The following TUSC3 variants were observed in gnomAD, a reference collection of about 807,000 sequenced individuals.
TUSC3 encodes dolichyl-diphosphooligosaccharide--protein glycosyltransferase subunit TUSC3.
TUSC3 carries 45 observed loss-of-function variants against 44.8 expected under a neutral mutation model. The ratio of observed to expected loss-of-function variants is 1.00; its 90% CI spans 0.79 to 1.29. The LOEUF (loss-of-function observed/expected upper bound fraction) is 1.29, where lower values mean the gene tolerates loss of function less well. TUSC3 is among the 50% of genes most tolerant of loss of function. The pLI is 0.00. For missense variants in TUSC3, 519 were observed against 437.9 expected (o/e 1.19, Z -1.65); for synonymous variants, 212 against 152.9 (o/e 1.39, Z -2.85).
chr8:15,675,000 C>G lies in TUSC3; in HGVS notation c.798+1164C>G, dbSNP rs184183648. Among the ~76,000 whole-genome samples the G allele has an allele frequency of 3.0e-4, 46 of 152,108 alleles. No individual in the cohort carries two copies. The East Asian group carries it at 7.9e-3, about 26-fold the overall frequency. On this transcript the variant is annotated intron_variant, in intron 6 of 10. Transcript: ENST00000503731. ...TTTCCTCTCTTCCTCCTCCCTGGTC[C>G]CTATACTCTGTCTCCCTCTCCTGTT...
chr8:15,586,300 G>C (rs887044694), intron 1 of TUSC3, among the ~76,000 whole-genome samples: 2 of 152,164 alleles, frequency 1.3e-5, no homozygotes, highest in Admixed American at 6.5e-5. Context: ...TAAGTCATTA[G>C]TGGGGAAAAA....
the TUSC3 span, among the ~76,000 whole-genome samples, chr8:15,785,070 A>G: frequency 6.6e-6 from 1 of 152,156 alleles, no homozygotes; most frequent in East Asian, 1.9e-4. Flanking sequence ...AAAAGAAGAA[A>G]AAAGGATAAT....
chr8:15,772,806 C>G, the TUSC3 span, among the ~76,000 whole-genome samples: 1 of 152,058 alleles, frequency 6.6e-6, no homozygotes, highest in Non-Finnish European at 1.5e-5. Flanking sequence ...ACAGCATGAC[C>G]AAGTGGGAAT....
intron 7 of TUSC3, among the ~76,000 whole-genome samples, chr8:15,737,215 G>C (rs574345565): frequency 6.7e-6 from 1 of 149,274 alleles, no homozygotes; most frequent in African/African-American, 2.4e-5. Context: ...GAAAATTTTA[G>C]ATTTAGAATT....
chr8:15,452,444 C>A (rs1442056348), intron 1 of TUSC3, among the ~76,000 whole-genome samples: 1 of 152,008 alleles, frequency 6.6e-6, no homozygotes, highest in Admixed American at 6.6e-5. Context: ...CTTTTTTCTT[C>A]CAGAATAACA....
intron 1 of TUSC3, among the ~76,000 whole-genome samples, chr8:15,615,838 G>T (rs1804964226): frequency 6.6e-6 from 1 of 152,084 alleles, no homozygotes; most frequent in Non-Finnish European, 1.5e-5. Context: ...GTACTGAAAT[G>T]AAAAAATGAA....
intron 1 of TUSC3, among the ~76,000 whole-genome samples, chr8:15,419,155 G>A (rs181969341): frequency 1.1e-3 from 166 of 152,170 alleles, no homozygotes; most frequent in African/African-American, 3.7e-3. Flanking sequence ...TCATCTCTGC[G>A]AATAAAGAAC....
intron 5 of TUSC3, among the ~76,000 whole-genome samples, chr8:15,665,142 T>C (rs1563161576): frequency 1.3e-5 from 2 of 151,612 alleles, no homozygotes; most frequent in African/African-American, 4.8e-5. Context: ...TTTGCCAAAA[T>C]ATTGTCATCT....
Position 15,520,459 on chromosome 8 carries a change from C to T in TUSC3, n.189+36976C>T, listed in dbSNP as rs573025604. Reference sequence around the variant, plus strand: ...TAGTCCAGGGCTTAACAGGATTCTACAAATTGTTGGTCATGGTTAGCTTCT... The same window carrying T: ...TAGTCCAGGGCTTAACAGGATTCTATAAATTGTTGGTCATGGTTAGCTTCT... On this transcript the variant is annotated intron_variant and non_coding_transcript_variant, in intron 2 of 5. Coordinates refer to the TUSC3 transcript ENST00000503191. Among the ~76,000 whole-genome samples the T allele has an allele frequency of 6.7e-4, 102 of 152,278 alleles. 1 individual carries two copies. In the South Asian group the frequency reaches 6.8e-3, roughly 10 times the overall value.
chr8:15,507,027 C>A (rs1335901347), intron 2 of TUSC3, among the ~76,000 whole-genome samples: 1 of 152,148 alleles, frequency 6.6e-6, no homozygotes, highest in African/African-American at 2.4e-5. Flanking sequence ...TCCTCTGTAT[C>A]TTTGGGTCTT....
intron 7 of TUSC3, among the ~76,000 whole-genome samples, chr8:15,736,607 A>AAAAC (rs1217417907): frequency 6.6e-6 from 1 of 152,222 alleles, no homozygotes; most frequent in East Asian, 1.9e-4. Flanking sequence ...ATGGCACAAT[A>AAAAC]AAACAGACAT....
chr8:15,832,015 A>G, the TUSC3 span, among the ~76,000 whole-genome samples: 142,011 of 152,188 alleles, frequency 0.93, 66,430 homozygotes, highest in Non-Finnish European at 0.97. Context: ...GTCAAAATGA[A>G]AAAACAGTAT....
At chr8:15,534,654 A>C (rs1801497328) in intron 2 of TUSC3, among the ~76,000 whole-genome samples, 1 of 151,784 alleles carries the variant, frequency 6.6e-6, no homozygotes, top group South Asian at 2.1e-4. Context: ...AAAAAAAAAA[A>C]AAAAAAAACT....
intron 1 of TUSC3, among the ~76,000 whole-genome samples, chr8:15,586,671 A>G (rs186406747): frequency 6.6e-6 from 1 of 152,272 alleles, no homozygotes; most frequent in East Asian, 1.9e-4. Flanking sequence ...TTTCTCTATG[A>G]AGTAGGAGTC....
chr8:15,792,811 G>T, the TUSC3 span, among the ~76,000 whole-genome samples: 1 of 151,878 alleles, frequency 6.6e-6, no homozygotes, highest in African/African-American at 2.4e-5. Flanking sequence ...TAGAAACAGG[G>T]TTTTGCCACG....
intron 6 of TUSC3, among the ~76,000 whole-genome samples, chr8:15,716,115 G>T (rs1195918575): frequency 6.6e-6 from 1 of 151,956 alleles, no homozygotes; most frequent in East Asian, 1.9e-4. Context: ...AATTAGCTTG[G>T]CATGATGGTA....
chr8:15,787,151 A>G, the TUSC3 span, among the ~76,000 whole-genome samples: 2 of 151,966 alleles, frequency 1.3e-5, no homozygotes, highest in East Asian at 3.9e-4. Context: ...CAATTACATC[A>G]TTTTCAGAAA....
chr8:15,768,062 A>C (rs999653710), downstream of TUSC3, among the ~76,000 whole-genome samples: 11 of 152,176 alleles, frequency 7.2e-5, no homozygotes, highest in Admixed American at 2.0e-4. Context: ...CAGGAAGTGA[A>C]GACTAAAACA....
the TUSC3 span, among the ~76,000 whole-genome samples, chr8:15,772,626 A>T: frequency 6.6e-6 from 1 of 152,248 alleles, no homozygotes; most frequent in Admixed American, 6.5e-5. Context: ...AGTTCAAAAC[A>T]TAGAAGAGAA....
Sources: gnomAD v4.1 joint callset for allele counts (sites outside exome capture counted in the v4.1 genomes callset) on GRCh38, gnomAD v4.1.1 for gene constraint, MANE v1.5 for transcripts, NCBI Gene and HGNC (gene_info 2026-07-23, HGNC 2026-07-21) for gene names.